SOX6: variants seen among roughly 807,000 people sequenced by gnomAD.
SOX6 encodes the protein SRY-box transcription factor 6.
SOX6 carries 11 observed loss-of-function variants against 97.8 expected under a neutral mutation model. The observed-to-expected ratio is 0.11, with a 90% CI of 0.07 to 0.19. SOX6 has a LOEUF of 0.19. Among genes scored for constraint, SOX6 ranks in the 10% least tolerant of loss-of-function variants. The probability of loss-of-function intolerance (pLI) is 1.00; values close to 1 mark genes in which losing one functional copy is unlikely to be tolerated. For synonymous variants in SOX6, 360 were observed against 371.4 expected (o/e 0.97, Z 0.35); for missense variants, 810 against 1,039.5 (o/e 0.78, Z 3.04).
chr11:16,180,092 G>A (rs1851308475), intron 6 of SOX6, among the ~76,000 whole-genome samples: 1 of 151,548 alleles, frequency 6.6e-6, no homozygotes, highest in South Asian at 2.1e-4. Context: ...CCATGGCCTG[G>A]TCAAATGAGG....
chr11:16,399,761 C>A (rs1289255887), intron 1 of SOX6, among the ~76,000 whole-genome samples: 1 of 151,386 alleles, frequency 6.6e-6, no homozygotes. Flanking sequence ...CCAAAACCAT[C>A]TACCTAAAGA....
chr11:16,580,825 G>A (rs917069807), intron 4 of SOX6, among the ~76,000 whole-genome samples: 4 of 152,052 alleles, frequency 2.6e-5, no homozygotes, highest in Admixed American at 2.6e-4. Context: ...ACATTTATGT[G>A]GCCAACAACA....
chr11:16,143,595 T>C (rs1850208301), intron 6 of SOX6, among the ~76,000 whole-genome samples: 1 of 152,104 alleles, frequency 6.6e-6, no homozygotes, highest in South Asian at 2.1e-4. Flanking sequence ...GCGTGCTGTA[T>C]TCAGGAGACC....
chr11:16,141,413 T>C (rs1850137007), intron 6 of SOX6, among the ~76,000 whole-genome samples: 1 of 151,972 alleles, frequency 6.6e-6, no homozygotes, highest in South Asian at 2.1e-4. Context: ...TAGGAACAGC[T>C]CCAGTGTACA....
chr11:16,294,839 T>A (rs1855024106), intron 3 of SOX6, among the ~76,000 whole-genome samples: 1 of 152,076 alleles, frequency 6.6e-6, no homozygotes, highest in Admixed American at 6.6e-5. Flanking sequence ...AATTTCATAA[T>A]CTTAATTTCA....
At chr11:16,053,853 TC>T (rs1293318594) in intron 10 of SOX6, among the ~76,000 whole-genome samples, 2 of 152,128 alleles carry the variant, frequency 1.3e-5, no homozygotes, top group Non-Finnish European at 2.9e-5. Flanking sequence ...TAACCACAGT[TC>T]TTTAAATTAG....
Position 16,014,981 on chromosome 11 carries a change from G to A in SOX6, c.1693C>T (p.Pro565Ser). 6.2e-7 allele frequency: 1 copy of A among 1,612,870 alleles called. No individual in the cohort carries two copies. Among genetic ancestry groups the A allele is most frequent in the Non-Finnish European group, 8.5e-7 (1 of 1,179,328 alleles). The change falls in exon 13 of 16, where the codon CCA (proline) becomes TCA (serine). Residue 565 changes from proline to serine, a missense_variant. Around this residue, in one of 9 missense-constraint regions of SOX6, gnomAD observed 120 missense variants for 127.0 expected, o/e 0.94. Coordinates refer to ENST00000683767, the MANE Select transcript of SOX6 (RefSeq NM_001367873.1). ...GKSNEDGKLG[P>S]GVIDLTRPED... ...GGCCGAGTAAGGTCGATGACACCTGGGCCCAGTTTTCCATCTTCATTTGAC... is the reference window on the plus strand; with the variant it reads ...GGCCGAGTAAGGTCGATGACACCTGAGCCCAGTTTTCCATCTTCATTTGAC...
chr11:16,573,565 G>T (rs1439598759), intron 4 of SOX6, among the ~76,000 whole-genome samples: 1 of 152,084 alleles, frequency 6.6e-6, no homozygotes, highest in Non-Finnish European at 1.5e-5. Context: ...ATATATATGT[G>T]TTACCAAACT....
At position 16,225,214 on chromosome 11, in the gene SOX6, C is replaced by T. The variant is rs192079992; in HGVS notation, c.535+9368G>A. ...GTTTTGATACTTTTTTCTAAAGAGACAGCAAAAATCCCTAGGTATGTGAAC... is the reference window on the plus strand; with the variant it reads ...GTTTTGATACTTTTTTCTAAAGAGATAGCAAAAATCCCTAGGTATGTGAAC... On this transcript the variant is annotated intron_variant, in intron 4 of 15. Coordinates refer to ENST00000683767, the MANE Select transcript of SOX6 (RefSeq NM_001367873.1). 2.0e-3 allele frequency among the ~76,000 whole-genome samples: 310 copies of T among 151,974 alleles called. 1 individual carries two copies. Among genetic ancestry groups the T allele is most frequent in the African/African-American group, 7.3e-3 (302 of 41,508 alleles).
At chr11:16,132,437 GAAAGAAAA>G (rs1849824588) in intron 6 of SOX6, among the ~76,000 whole-genome samples, 2 of 65,940 alleles carry the variant, frequency 3.0e-5, no homozygotes, top group Non-Finnish European at 5.7e-5. Context: ...AAGAAAGAAA[GAAAGAAAA>G]AAGAAAGAAA....
chr11:16,314,797 T>C (rs192904262), intron 3 of SOX6: 1 of 152,236 alleles, frequency 6.6e-6, no homozygotes, highest in African/African-American at 2.4e-5. Flanking sequence ...CTTGGAGATA[T>C]CTCAAAATAT....
upstream of SOX6, among the ~76,000 whole-genome samples, chr11:16,361,029 A>T (rs572993190): frequency 1.3e-5 from 2 of 150,650 alleles, no homozygotes; most frequent in East Asian, 2.0e-4. Context: ...AAGAAGAAGA[A>T]GTTTTCAAAA....
chr11:16,119,498 T>C (rs1194920636), intron 6 of SOX6, among the ~76,000 whole-genome samples: 2 of 152,228 alleles, frequency 1.3e-5, no homozygotes, highest in East Asian at 1.9e-4. Context: ...TGTTCTTTGC[T>C]GTTCACTAAT....
chr11:16,561,733 T>C (rs1443135451), intron 4 of SOX6, among the ~76,000 whole-genome samples: 4 of 152,112 alleles, frequency 2.6e-5, no homozygotes, highest in Admixed American at 2.6e-4. Context: ...AATAATGTTA[T>C]TTACTTTTCT....
rs191152723 is a variant in SOX6, at chr11:16,392,769, T to A, written c.-4-51517A>T. On this transcript the variant is annotated intron_variant, in intron 1 of 15. Transcript: ENST00000396356. Reference sequence around the variant, plus strand: ...GGCTGTCTACAGATAAAAACACACCTTTTTTTATTATTCATATGCTTGAGC... The same window carrying A: ...GGCTGTCTACAGATAAAAACACACCATTTTTTATTATTCATATGCTTGAGC... Among the ~76,000 whole-genome samples, 90 of 152,090 alleles carry A rather than the reference T, an allele frequency of 5.9e-4. 1 individual carries two copies. The highest frequency in any genetic ancestry group is 2.2e-3 in the African/African-American group (90 of 41,508).
intron 3 of SOX6, among the ~76,000 whole-genome samples, chr11:16,649,932 G>A (rs1215697657): frequency 6.6e-6 from 1 of 152,094 alleles, no homozygotes; most frequent in Non-Finnish European, 1.5e-5. Context: ...AGGTAAAGGG[G>A]TAAAAAAGGA....
chr11:16,633,741 A>T (rs565709856), intron 3 of SOX6, among the ~76,000 whole-genome samples: 20 of 152,324 alleles, frequency 1.3e-4, no homozygotes, highest in African/African-American at 4.8e-4. Context: ...AGGGAACAGG[A>T]ACTCCAAATT....
At chr11:16,511,047 C>T (rs1860873227) in intron 4 of SOX6, among the ~76,000 whole-genome samples, 1 of 152,044 alleles carries the variant, frequency 6.6e-6, no homozygotes, top group Admixed American at 6.6e-5. Flanking sequence ...GACGAAAAAA[C>T]TAAGTTTCCA....
At chr11:16,073,675 G>T (rs1325809526) in intron 9 of SOX6, among the ~76,000 whole-genome samples, 1 of 151,906 alleles carries the variant, frequency 6.6e-6, no homozygotes, top group Non-Finnish European at 1.5e-5. Context: ...TGCTAAAATT[G>T]ACCACACAAT....
Sources: gnomAD v4.1 joint callset for allele counts (sites outside exome capture counted in the v4.1 genomes callset) on GRCh38, gnomAD v4.1.1 for gene constraint, gnomAD v4.1.1 regional missense constraint, MANE v1.5 for transcripts, NCBI Gene and HGNC (gene_info 2026-07-23, HGNC 2026-07-21) for gene names.